Variants in DCDC1 observed in about 807,000 individuals in gnomAD.
The protein encoded by DCDC1 is doublecortin domain-containing protein 1.
DCDC1 carries 200 observed loss-of-function variants against 178.3 expected under a neutral mutation model. That is an observed-to-expected ratio of 1.12 (90% confidence interval 1.00 to 1.26). The LOEUF is 1.26. Among genes scored for constraint, DCDC1 ranks in the 50% most tolerant of loss-of-function variants. DCDC1 has a pLI of 0.00. For synonymous variants in DCDC1, 690 were observed against 604.8 expected, an observed-to-expected ratio of 1.14 and a Z score of -2.07; for missense variants, 1,983 against 1,749.2, an observed-to-expected ratio of 1.13 and a Z score of -2.38.
rs1244037014 is a variant in DCDC1 at position 30,931,870 on chromosome 11, TATGGCTCTGTTGTCTTACAG to T, written c.2778_2797del (p.Lys928ProfsTer14). 7 of 1,613,080 alleles carry T rather than the reference TATGGCTCTGTTGTCTTACAG, an allele frequency of 4.3e-6. No homozygotes were observed. The Admixed American group carries it at 6.7e-5, about 15-fold the overall frequency. The stretch of plus-strand genomic sequence containing the variant: ...CAAAACTCTGAGTCGCACAGGGGCA[TATGGCTCTGTTGTCTTACAG>T]ATGGGTTTCTTCATGGGAGGACTGC... On this transcript the variant is annotated frameshift_variant, in exon 22 of 39. Transcript: ENST00000684477. LOFTEE classifies it high-confidence loss of function.
At chr11:31,339,511 T>C (rs930040255) in intron 1 of DCDC1, among the ~76,000 whole-genome samples, 1 of 152,178 alleles carries the variant, frequency 6.6e-6, no homozygotes, top group Non-Finnish European at 1.5e-5. Context: ...ATCAGTTTCC[T>C]TGCCTCATTC....
chr11:30,909,170 G>A, intron 28 of DCDC1, 54 bp from the exon 29 acceptor site: 1 of 1,464,928 alleles, frequency 6.8e-7, no homozygotes, highest in South Asian at 1.5e-5. Context: ...GGGTTATAGT[G>A]TCTTGTTTTT....
intron 10 of DCDC1, among the ~76,000 whole-genome samples, chr11:31,130,496 C>T (rs190583071): frequency 5.9e-5 from 9 of 152,194 alleles, no homozygotes; most frequent in African/African-American, 9.6e-5. Flanking sequence ...TCCTTCAAGC[C>T]GTATCTCAGA....
At chr11:31,223,667 T>C (rs1219778639) in intron 9 of DCDC1, among the ~76,000 whole-genome samples, 1 of 152,126 alleles carries the variant, frequency 6.6e-6, no homozygotes, top group African/African-American at 2.4e-5. Context: ...AATTACTGTG[T>C]GGAAGTTAAA....
chr11:31,206,151 G>A (rs1971839410), intron 9 of DCDC1, among the ~76,000 whole-genome samples: 1 of 152,154 alleles, frequency 6.6e-6, no homozygotes, highest in Non-Finnish European at 1.5e-5. Flanking sequence ...ACCAGTAGGT[G>A]AAAAGTTGAT....
At position 30,906,599 on chromosome 11, in the gene DCDC1, C is replaced by G; in HGVS notation, c.4045G>C (p.Gly1349Arg). ...AAGAAGGGCTTCTGAGTCTTGGTGC[C>G]TGAAATACAGAGGAATGGAACCCCT... Reference protein sequence around the residue: ...LPGVPFLCISGTKTQKPFLQG... With the variant: ...LPGVPFLCISRTKTQKPFLQG... The change falls in exon 30 of 39, where the codon GGC becomes CGC. Residue 1349 changes from glycine to arginine, a missense_variant. Transcript: ENST00000684477. 1 of 1,613,364 alleles carries G rather than the reference C, an allele frequency of 6.2e-7. No homozygotes were observed. The highest frequency in any genetic ancestry group is 2.2e-5 in the East Asian group (1 of 44,822).
intron 6 of DCDC1, among the ~76,000 whole-genome samples, chr11:31,303,136 T>C (rs1013839504): frequency 6.6e-6 from 1 of 152,136 alleles, no homozygotes; most frequent in Non-Finnish European, 1.5e-5. Context: ...TAAATTGAAT[T>C]TAAATTAGAG....
chr11:30,947,837 T>G (rs1345815986), intron 21 of DCDC1, among the ~76,000 whole-genome samples: 2 of 151,688 alleles, frequency 1.3e-5, no homozygotes, highest in African/African-American at 4.8e-5. Context: ...GACTAATAAC[T>G]AGAATGCATA....
At chr11:31,266,314 C>T (rs1945154974) in intron 7 of DCDC1, among the ~76,000 whole-genome samples, 1 of 152,048 alleles carries the variant, frequency 6.6e-6, no homozygotes, top group South Asian at 2.1e-4. Flanking sequence ...CCCTTTGAAA[C>T]CAATGTGGCA....
chr11:30,918,683 T>G (rs543875152), intron 25 of DCDC1, among the ~76,000 whole-genome samples: 1 of 152,180 alleles, frequency 6.6e-6, no homozygotes, highest in South Asian at 2.1e-4. Context: ...GAAGCAAGAT[T>G]ATGGTTAGCC....
intron 1 of DCDC1, among the ~76,000 whole-genome samples, chr11:31,369,450 CT>C (rs1564941541): frequency 6.6e-6 from 1 of 152,148 alleles, no homozygotes; most frequent in African/African-American, 2.4e-5. Flanking sequence ...GGCATCAGGT[CT>C]CCTCATCCTT....
At chr11:31,275,100 T>G (rs192871302) in intron 7 of DCDC1, among the ~76,000 whole-genome samples, 1 of 152,120 alleles carries the variant, frequency 6.6e-6, no homozygotes, top group Non-Finnish European at 1.5e-5. Flanking sequence ...TTGGCAGACA[T>G]TAGTAGTCAA....
chr11:31,045,507 T>C (rs1477432473), intron 20 of DCDC1, among the ~76,000 whole-genome samples: 2 of 152,114 alleles, frequency 1.3e-5, no homozygotes, highest in Admixed American at 6.5e-5. Context: ...ATTAGAAGTA[T>C]GCTAAATACC....
intron 20 of DCDC1, among the ~76,000 whole-genome samples, chr11:31,027,312 C>T (rs955651606): frequency 6.6e-6 from 1 of 151,738 alleles, no homozygotes; most frequent in African/African-American, 2.4e-5. Flanking sequence ...TCTCTGCCTC[C>T]AACTCTCATA....
At position 31,330,387 on chromosome 11, in the gene DCDC1, A is replaced by C. The variant is rs1489622079; in HGVS notation, c.-6-2101T>G. On this transcript the variant is annotated intron_variant, in intron 2 of 38. Coordinates refer to ENST00000684477, the MANE Select transcript of DCDC1 (RefSeq NM_001387274.1). The stretch of plus-strand genomic sequence containing the variant: ...ATGGTAGTTTCTTTTGCTATGCAGA[A>C]GCTCTTTAGTTTAATTAGATCCCGC... Among the ~76,000 whole-genome samples the C allele has an allele frequency of 4.6e-5, 7 of 152,158 alleles. No homozygotes were observed. In the East Asian group the frequency reaches 1.4e-3, roughly 29 times the overall value.
chr11:31,231,706 C>A (rs1288030705), intron 9 of DCDC1, among the ~76,000 whole-genome samples: 12 of 150,624 alleles, frequency 8.0e-5, no homozygotes, highest in Non-Finnish European at 1.3e-4. Context: ...GGAGGGAACA[C>A]AAAAAAAAAT....
intron 21 of DCDC1, among the ~76,000 whole-genome samples, chr11:30,940,015 TTTTA>T (rs1354309205): frequency 6.6e-6 from 1 of 152,186 alleles, no homozygotes; most frequent in Non-Finnish European, 1.5e-5. Flanking sequence ...AATTTGGCCA[TTTTA>T]TTTATTTAAG....
intron 1 of DCDC1, among the ~76,000 whole-genome samples, chr11:31,338,994 CT>C (rs1950408811): frequency 6.6e-6 from 1 of 152,094 alleles, no homozygotes; most frequent in Non-Finnish European, 1.5e-5. Flanking sequence ...GTAAACTTTT[CT>C]TAACATCTTG....
chr11:31,013,831 A>C (rs1334687976), intron 20 of DCDC1, among the ~76,000 whole-genome samples: 2 of 152,246 alleles, frequency 1.3e-5, no homozygotes, highest in African/African-American at 4.8e-5. Context: ...AATGTCATCC[A>C]AACCAACTCC....
Sources: allele counts gnomAD v4.1 joint callset (sites outside exome capture counted in the v4.1 genomes callset), GRCh38; gene constraint gnomAD v4.1.1; transcripts MANE v1.5; gene names NCBI Gene and HGNC (gene_info 2026-07-23, HGNC 2026-07-21).